The following PRR5L variants were observed in gnomAD, a reference collection of about 807,000 sequenced individuals.
PRR5L encodes proline-rich protein 5-like.
A neutral mutation model predicts 36.4 loss-of-function variants in PRR5L; 21 were observed. That is an observed-to-expected ratio of 0.58 (90% CI 0.41 to 0.83). The LOEUF (loss-of-function observed/expected upper bound fraction) is 0.83, where lower values mean the gene tolerates loss of function less well. Among genes scored for constraint, PRR5L ranks in the 40% least tolerant of loss-of-function variants. The pLI, the probability that PRR5L is intolerant of heterozygous loss-of-function variation, is 0.00. For synonymous variants in PRR5L, 188 were observed against 197.0 expected, an observed-to-expected ratio of 0.95 and a Z score of 0.38; for missense variants, 381 against 473.3, an observed-to-expected ratio of 0.80 and a Z score of 1.81.
In PRR5L at chr11:36,351,550, T is replaced by C. The variant is rs1450646583; in HGVS notation, c.-125-49447T>C. ...ATATTTATATAAATATATATTTATA[T>C]ATATTTATATATTTATATATTTATA... On this transcript the variant is annotated intron_variant, in intron 1 of 8. Coordinates refer to ENST00000530639, the MANE Select transcript of PRR5L (RefSeq NM_001160167.2). 3.2e-3 allele frequency among the ~76,000 whole-genome samples: 36 copies of C among 11,256 alleles called. 6 individuals are homozygous for C. Among genetic ancestry groups the C allele is most frequent in the South Asian group, 0.016 (5 of 310 alleles). The allele number at this position is 11,256 out of a possible 152,430, so 7.4% of individuals were successfully genotyped here.
chr11:36,376,181 C>T (rs2133518061), intron 1 of PRR5L: 1 of 1,303,550 alleles, frequency 7.7e-7, no homozygotes, highest in Non-Finnish European at 1.0e-6. Context: ...CCCCCCTCTC[C>T]GCTCTCCCCA....
At chr11:36,316,058 AG>A (rs1223433812) in intron 1 of PRR5L, among the ~76,000 whole-genome samples, 1 of 152,212 alleles carries the variant, frequency 6.6e-6, no homozygotes, top group Non-Finnish European at 1.5e-5. Flanking sequence ...TGATTGTTAT[AG>A]GGGATTGACT....
At chr11:36,428,646 A>C (rs1387435609) in intron 4 of PRR5L, among the ~76,000 whole-genome samples, 1 of 152,010 alleles carries the variant, frequency 6.6e-6, no homozygotes, top group Non-Finnish European at 1.5e-5. Flanking sequence ...ACTGAGCCTC[A>C]CTCTCATGTC....
Position 36,462,586 on chromosome 11 carries a change from G to A in PRR5L, c.957G>A (p.Glu319=), listed in dbSNP as rs1275469477. The A allele has an allele frequency of 2.5e-6, 4 of 1,612,980 alleles. No homozygotes were observed. The highest frequency in any genetic ancestry group is 3.4e-6 in the Non-Finnish European group (4 of 1,179,924). Residue 319 remains glutamate, a synonymous_variant, in exon 9 of 9, where the codon GAG becomes GAA. Coordinates refer to ENST00000530639, the MANE Select transcript of PRR5L (RefSeq NM_001160167.2). ...HSGLGEEASS[E]NKCLLLPPSF... ...GCCTGGGGGAGGAGGCCAGCAGTGA[G>A]AACAAGTGCCTGCTCCTGCCACCCA...
At chr11:36,355,717 T>G (rs1363157308) in intron 1 of PRR5L, among the ~76,000 whole-genome samples, 1 of 151,246 alleles carries the variant, frequency 6.6e-6, no homozygotes, top group Admixed American at 6.6e-5. Context: ...GCCCAGCTAT[T>G]TTTTTTAATT....
intron 5 of PRR5L, among the ~76,000 whole-genome samples, chr11:36,434,491 A>G (rs1054608227): frequency 6.6e-6 from 1 of 152,212 alleles, no homozygotes; most frequent in African/African-American, 2.4e-5. Context: ...CTGATGCAGA[A>G]AAGACAGGTG....
chr11:36,395,743 A>G (rs1045382087), intron 1 of PRR5L, among the ~76,000 whole-genome samples: 1 of 152,128 alleles, frequency 6.6e-6, no homozygotes, highest in Non-Finnish European at 1.5e-5. Context: ...TTTAATAGAA[A>G]CAGGGTTTTG....
At chr11:36,435,129 G>A (rs1858578263) in intron 5 of PRR5L, among the ~76,000 whole-genome samples, 1 of 152,096 alleles carries the variant, frequency 6.6e-6, no homozygotes, top group African/African-American at 2.4e-5. Flanking sequence ...TTATCCAGGT[G>A]CTGGAGTTCA....
At chr11:36,300,918 G>A (rs573171941) in intron 1 of PRR5L, 2 of 152,540 alleles carry the variant, frequency 1.3e-5, no homozygotes, top group South Asian at 2.1e-4. Context: ...TGAGGAAGGG[G>A]AGGATGATAT....
intron 1 of PRR5L, among the ~76,000 whole-genome samples, chr11:36,331,570 C>T (rs1856719469): frequency 6.6e-6 from 1 of 152,164 alleles, no homozygotes; most frequent in Admixed American, 6.5e-5. Context: ...AACAAACTTT[C>T]ATAACTTCCT....
chr11:36,351,530 TATATAA>T lies in PRR5L; in HGVS notation c.-125-49461_-125-49456del, dbSNP rs1371171725. On this transcript the variant is annotated intron_variant, in intron 1 of 8. Coordinates refer to ENST00000530639, the MANE Select transcript of PRR5L (RefSeq NM_001160167.2). ...ATATATTTATATATATTTATATATT[TATATAA>T]ATATATATTTATATATATTTATATA... is the stretch of plus-strand genomic sequence containing the variant. Among the ~76,000 whole-genome samples, 23 of 14,266 alleles carry T rather than the reference TATATAA, an allele frequency of 1.6e-3. 5 individuals carry two copies. The highest frequency in any genetic ancestry group is 9.8e-3 in the African/African-American group (23 of 2,350). The allele number at this position is 14,266 out of a possible 152,430, so 9.4% of individuals were successfully genotyped here. A position where few individuals can be genotyped will look rare whatever the true frequency, so the allele number is the denominator to read the frequency against.
At position 36,412,184 on chromosome 11, in the gene PRR5L, T is replaced by C. The variant is rs2133572172; in HGVS notation, c.246-7071T>C. Among the ~76,000 whole-genome samples the C allele has an allele frequency of 2.0e-5, 3 of 152,238 alleles. No homozygotes were observed. The South Asian group carries it at 6.2e-4, about 32-fold the overall frequency. ...AGCCAGGCAGCTCTGGGCTCCCTGA[T>C]CTCAACAAGACACTTGTTATCTCTG... On this transcript the variant is annotated intron_variant, in intron 3 of 8. Coordinates refer to ENST00000530639, the MANE Select transcript of PRR5L (RefSeq NM_001160167.2).
chr11:36,371,957 C>T (rs548367496), intron 1 of PRR5L, among the ~76,000 whole-genome samples: 1 of 152,114 alleles, frequency 6.6e-6, no homozygotes, highest in Non-Finnish European at 1.5e-5. Context: ...ACTTGGGAGG[C>T]TGAGGCAGGA....
At chr11:36,414,376 T>G (rs35858347) in intron 3 of PRR5L, among the ~76,000 whole-genome samples, 8,787 of 138,410 alleles carry the variant, frequency 0.063, 254 homozygotes, top group African/African-American at 0.1. Context: ...CCAGCACCTG[T>G]TGTTTCCTGA....
At chr11:36,326,365 A>G (rs964440987) in intron 1 of PRR5L, among the ~76,000 whole-genome samples, 1 of 151,544 alleles carries the variant, frequency 6.6e-6, no homozygotes, top group African/African-American at 2.4e-5. Context: ...ATCACTCACA[A>G]TTAAATTAAC....
rs1269019491 is a variant in PRR5L at position 36,301,534 on chromosome 11, C to G, written c.-126+5096C>G. On this transcript the variant is annotated intron_variant, in intron 1 of 8. Coordinates refer to ENST00000530639, the MANE Select transcript of PRR5L (RefSeq NM_001160167.2). ...TCTGACTTGAACTACAGAAGGGATGCTATGCCATGATGGGTCAGTGTGTGT... is the reference window on the plus strand; with the variant it reads ...TCTGACTTGAACTACAGAAGGGATGGTATGCCATGATGGGTCAGTGTGTGT... 2.6e-5 allele frequency among the ~76,000 whole-genome samples: 4 copies of G among 152,054 alleles called. No homozygotes were observed. The East Asian group carries it at 7.7e-4, about 29-fold the overall frequency.
chr11:36,315,489 C>T (rs1299378788), intron 1 of PRR5L, among the ~76,000 whole-genome samples: 2 of 152,206 alleles, frequency 1.3e-5, no homozygotes, highest in Admixed American at 1.3e-4. Context: ...TAAATCACTA[C>T]ACAGTCCATA....
chr11:36,371,868 G>C (rs1311891150), intron 1 of PRR5L, among the ~76,000 whole-genome samples: 1 of 152,054 alleles, frequency 6.6e-6, no homozygotes, highest in Non-Finnish European at 1.5e-5. Context: ...AGACCAGCCT[G>C]GCCAACATGG....
intron 5 of PRR5L, among the ~76,000 whole-genome samples, chr11:36,436,355 C>G (rs1485601828): frequency 1.3e-5 from 2 of 152,198 alleles, no homozygotes; most frequent in Non-Finnish European, 2.9e-5. Flanking sequence ...GCTGTGCAGG[C>G]TCCTCTTTGC....
Sources: allele counts gnomAD v4.1 joint callset (sites outside exome capture counted in the v4.1 genomes callset), GRCh38; gene constraint gnomAD v4.1.1; transcripts MANE v1.5; gene names NCBI Gene and HGNC (gene_info 2026-07-23, HGNC 2026-07-21).